The following PUDP variants were observed in gnomAD, a reference collection of about 807,000 sequenced individuals.
The protein encoded by PUDP is pseudouridine-5'-phosphatase.
In PUDP, 8 loss-of-function variants were observed where a neutral mutation model predicts 9.4. The ratio of observed to expected loss-of-function variants is 0.85; its 90% confidence interval spans 0.50 to 1.53. The LOEUF is 1.53. Among genes scored for constraint, PUDP ranks in the 40% most tolerant of loss-of-function variants. The pLI is 0.00. For missense variants in PUDP, 188 were observed against 189.7 expected, an observed-to-expected ratio of 0.99 and a Z score of 0.05; for synonymous variants, 99 against 80.7, an observed-to-expected ratio of 1.23 and a Z score of -1.22.
intron 3 of PUDP, among the ~76,000 whole-genome samples, chrX:6,908,330 GC>G (rs1927798693): frequency 8.9e-6 from 1 of 112,414 alleles, no homozygotes; most frequent in Non-Finnish European, 1.9e-5. Flanking sequence ...CGACAAGGCT[GC>G]CCCTCTTTTC....
chrX:7,103,365 A>G (rs1190728640), intron 2 of PUDP, among the ~76,000 whole-genome samples: 1 of 112,579 alleles, frequency 8.9e-6, no homozygotes, highest in Non-Finnish European at 1.9e-5. Context: ...GTACAAAAGA[A>G]TGAAGCTAGA....
chrX:7,094,606 C>T (rs1416254027), intron 2 of PUDP, among the ~76,000 whole-genome samples: 1 of 110,791 alleles, frequency 9.0e-6, no homozygotes, highest in African/African-American at 3.3e-5. Context: ...GTGATCCGCC[C>T]GTCTCGACCT....
intron 1 of PUDP, among the ~76,000 whole-genome samples, chrX:7,124,217 C>G (rs1462235758): frequency 2.7e-5 from 3 of 112,039 alleles, no homozygotes; most frequent in African/African-American, 9.7e-5. Context: ...AATTAGAAAT[C>G]AGTAACTGAA....
chrX:6,728,436 C>A (rs1174035132), intron 3 of PUDP, among the ~76,000 whole-genome samples: 1 of 111,651 alleles, frequency 9.0e-6, no homozygotes, highest in Non-Finnish European at 1.9e-5. Flanking sequence ...GAAGCAATCA[C>A]ATCATGTTTA....
At chrX:6,801,030 CAG>C (rs1286408131) in intron 3 of PUDP, among the ~76,000 whole-genome samples, 11 of 111,953 alleles carry the variant, frequency 9.8e-5, no homozygotes, top group Non-Finnish European at 1.9e-5. Context: ...AGCCTGCTGA[CAG>C]AGCCCGCGAA....
At chrX:6,933,026 C>A (rs1362192466) in intron 3 of PUDP, among the ~76,000 whole-genome samples, 5 of 110,697 alleles carry the variant, frequency 4.5e-5, no homozygotes, top group African/African-American at 6.6e-5. Context: ...TCTGTAGGCT[C>A]CACCTCTGGG....
At chrX:6,851,627 T>G (rs1327783682) in intron 3 of PUDP, among the ~76,000 whole-genome samples, 1 of 112,044 alleles carries the variant, frequency 8.9e-6, no homozygotes, top group Non-Finnish European at 1.9e-5. Context: ...CATTTTAGCA[T>G]GTAACACACA....
At chrX:7,109,122 G>C (rs181640608) in intron 1 of PUDP, among the ~76,000 whole-genome samples, 2 of 111,898 alleles carry the variant, frequency 1.8e-5, no homozygotes, top group East Asian at 5.6e-4. Context: ...GGAAGGGCTG[G>C]CCCACCCTCC....
chrX:6,781,960 C>A (rs1035445100), intron 3 of PUDP, among the ~76,000 whole-genome samples: 1 of 112,189 alleles, frequency 8.9e-6, no homozygotes, highest in Non-Finnish European at 1.9e-5. Context: ...ATTTGGCAAA[C>A]CTGGTGAAGA....
At chrX:6,902,511 C>T (rs1227392510) in intron 3 of PUDP, among the ~76,000 whole-genome samples, 1 of 112,366 alleles carries the variant, frequency 8.9e-6, no homozygotes, top group Non-Finnish European at 1.9e-5. Flanking sequence ...AAGAAAGTGA[C>T]TTTATTCCAG....
At chrX:7,107,366 T>A (rs1602791706) in intron 1 of PUDP, among the ~76,000 whole-genome samples, 1 of 112,373 alleles carries the variant, frequency 8.9e-6, no homozygotes, top group East Asian at 2.8e-4. Context: ...CAGGACACAC[T>A]GAGGGAAGTA....
intron 1 of PUDP, among the ~76,000 whole-genome samples, chrX:6,995,971 C>CT (rs991329485): frequency 9.2e-6 from 1 of 108,899 alleles, no homozygotes; most frequent in African/African-American, 3.3e-5. Context: ...TTGATGTTCT[C>CT]TTTTTTTCTT....
intron 1 of PUDP, among the ~76,000 whole-genome samples, chrX:6,717,222 G>C (rs1419967755): frequency 1.8e-5 from 2 of 111,640 alleles, no homozygotes; most frequent in East Asian, 5.6e-4. Flanking sequence ...GCTTTAATAT[G>C]CTTCCACCTT....
At chrX:7,101,194 G>A (rs1211233758) in intron 2 of PUDP, among the ~76,000 whole-genome samples, 1 of 111,709 alleles carries the variant, frequency 9.0e-6, no homozygotes, top group Non-Finnish European at 1.9e-5. Context: ...GTCCCTACTC[G>A]CAACTGAGCG....
chrX:6,891,031 C>A (rs1927507712), intron 3 of PUDP, among the ~76,000 whole-genome samples: 1 of 107,187 alleles, frequency 9.3e-6, no homozygotes, highest in Non-Finnish European at 1.9e-5. Flanking sequence ...GTGGGAGGAT[C>A]ACTTGAGCTC....
At chrX:6,819,823 C>T (rs2146706395) in intron 3 of PUDP, among the ~76,000 whole-genome samples, 2 of 111,271 alleles carry the variant, frequency 1.8e-5, no homozygotes, top group South Asian at 7.5e-4. Context: ...TCTTTACCAG[C>T]TGCATAATAT....
intron 2 of PUDP, among the ~76,000 whole-genome samples, chrX:7,104,144 C>T (rs1931814884): frequency 8.9e-6 from 1 of 111,775 alleles, no homozygotes; most frequent in South Asian, 3.8e-4. Context: ...GTGTGGATGC[C>T]ACCCAAATGT....
At chrX:6,923,312 T>C (rs1348303229) in intron 3 of PUDP, among the ~76,000 whole-genome samples, 1 of 111,546 alleles carries the variant, frequency 9.0e-6, no homozygotes, top group Admixed American at 9.6e-5. Flanking sequence ...TTTTAAATAC[T>C]ACCTATATTC....
At chrX:7,129,734 T>C (rs1483758348) in intron 1 of PUDP, among the ~76,000 whole-genome samples, 1 of 112,035 alleles carries the variant, frequency 8.9e-6, no homozygotes, top group Non-Finnish European at 1.9e-5. Context: ...TCATTCCTTA[T>C]TCAAAAACAC....
Sources: allele counts gnomAD v4.1 joint callset (sites outside exome capture counted in the v4.1 genomes callset), GRCh38; gene constraint gnomAD v4.1.1; transcripts MANE v1.5; gene names NCBI Gene and HGNC (gene_info 2026-07-23, HGNC 2026-07-21).